CERK: variants seen among roughly 807,000 people sequenced by gnomAD.
CERK encodes the protein acylsphingosine kinase.
Under a neutral mutation model 63.4 loss-of-function variants are expected in CERK, and 39 were observed. That is an observed-to-expected ratio of 0.61 (90% CI 0.48 to 0.80). The LOEUF is 0.80. Ranked by LOEUF, CERK falls within the 30% of genes least tolerant of loss-of-function variation. The pLI is 0.00. For missense variants in CERK, 670 were observed against 714.1 expected (o/e 0.94, Z 0.70); for synonymous variants, 302 against 280.0 (o/e 1.08, Z -0.78).
intron 8 of CERK, 96 bp downstream of exon 8, chr22:46,699,217 A>G (rs2082771046): frequency 2.3e-6 from 3 of 1,298,572 alleles, no homozygotes; most frequent in East Asian, 2.3e-5. Context: ...GTGGGGGCCC[A>G]CCTCTGACGG....
rs2082705123 is a variant in CERK at position 46,687,051 on chromosome 22, G to A, written c.*83C>T. ...CAAAAATAAATTTCTACATTTAAAT[G>A]TATATATCAACATAATTGGTCTGTA... On this transcript the variant is annotated 3_prime_UTR_variant, in exon 13 of 13. Transcript: ENST00000216264. 2 of 1,067,492 alleles carry A rather than the reference G, an allele frequency of 1.9e-6. No homozygotes were observed. The highest frequency in any genetic ancestry group is 2.7e-5 in the South Asian group (2 of 74,752). The allele number at this position is 1,067,492 out of a possible 1,614,324, so 66.1% of individuals were successfully genotyped here.
rs755923506 is a variant in CERK, at chr22:46,699,385, C to T, written c.871G>A (p.Gly291Ser). Residue 291 changes from glycine to serine, a missense_variant, in exon 8 of 13, where the codon GGC (glycine) becomes AGC (serine). Coordinates refer to ENST00000216264, the MANE Select transcript of CERK (RefSeq NM_022766.6). Reference sequence around the variant, plus strand: ...TCCTTGATGATGTCCCCGTAGAAGCCGTAGCCCAGCAGGGACACGGAGTAG... The same window carrying T: ...TCCTTGATGATGTCCCCGTAGAAGCTGTAGCCCAGCAGGGACACGGAGTAG... ...LRYSVSLLGY[G>S]FYGDIIKDSE... The T allele has an allele frequency of 2.5e-6, 4 of 1,614,122 alleles. No individual in the cohort carries two copies. The highest frequency in any genetic ancestry group is 1.3e-5 in the African/African-American group (1 of 75,050).
intron 3 of CERK, among the ~76,000 whole-genome samples, chr22:46,713,949 T>C (rs1452577125): frequency 2.0e-5 from 3 of 152,074 alleles, no homozygotes; most frequent in African/African-American, 4.8e-5. Context: ...CAGGGCGATA[T>C]AGTGAGACTC....
intron 10 of CERK, among the ~76,000 whole-genome samples, chr22:46,692,628 G>C (rs1316791102): frequency 6.6e-6 from 1 of 151,610 alleles, no homozygotes; most frequent in Non-Finnish European, 1.5e-5. Flanking sequence ...TTATTGACTG[G>C]GCATGGTGGC....
chr22:46,709,503 G>A lies in CERK; in HGVS notation c.570-1515C>T, dbSNP rs562806004. 3.9e-5 allele frequency among the ~76,000 whole-genome samples: 6 copies of A among 152,320 alleles called. No individual in the cohort carries two copies. In the East Asian group the frequency reaches 9.6e-4, roughly 24 times the overall value. On this transcript the variant is annotated intron_variant, in intron 5 of 12. Transcript: ENST00000216264. ...AGAACACTCCCGCATTAGGAGGGGA[G>A]CAAAGGGGTCTCCCTGTCAGCACCT...
chr22:46,696,570 C>T (rs2082757551), intron 8 of CERK, among the ~76,000 whole-genome samples: 2 of 152,188 alleles, frequency 1.3e-5, no homozygotes. Context: ...CCCAGATGTC[C>T]TACCGGCACC....
Position 46,738,169 on chromosome 22 carries a change from G to T in CERK, c.-21C>A. 8.6e-7 allele frequency: 1 copy of T among 1,156,948 alleles called. No individual in the cohort carries two copies. Among genetic ancestry groups the T allele is most frequent in the Non-Finnish European group, 1.1e-6 (1 of 942,242 alleles). The allele number at this position is 1,156,948 out of a possible 1,614,324, so 71.7% of individuals were successfully genotyped here. On this transcript the variant is annotated 5_prime_UTR_variant, in exon 1 of 13. Transcript: ENST00000216264. ...CCCATCTCCGCCGCCGGGCTCGTCC[G>T]CCAGGCTGGGGGCGCGCGGACGCCG...
Position 46,707,965 on chromosome 22 carries a change from C to T in CERK, c.593G>A (p.Gly198Asp), listed in dbSNP as rs2082822021. ...ACCGTGCAGCACCTCGCTGAACATA[C>T]CATCTCCGCCGACACAGACGATGCT... ...YDGIVCVGGDGMFSEVLHGLI... is the reference protein window; with the variant it reads ...YDGIVCVGGDDMFSEVLHGLI... Residue 198 changes from glycine to aspartate, a missense_variant, in exon 6 of 13, where the codon GGT becomes GAT. Transcript: ENST00000216264. 1 of 1,611,340 alleles carries T rather than the reference C, an allele frequency of 6.2e-7. No homozygotes were observed.
chr22:46,722,538 C>T (rs902641188), intron 1 of CERK, among the ~76,000 whole-genome samples: 12 of 150,816 alleles, frequency 8.0e-5, no homozygotes, highest in Non-Finnish European at 1.8e-4. Context: ...TCCGGTGTGC[C>T]CCACCTGGGC....
At chr22:46,723,481 T>A (rs904313565) in intron 1 of CERK, among the ~76,000 whole-genome samples, 2 of 151,734 alleles carry the variant, frequency 1.3e-5, no homozygotes, top group African/African-American at 2.4e-5. Flanking sequence ...TAGCCAGGTG[T>A]GGTGGTGTGT....
chr22:46,702,130 G>A (rs1165804475), intron 6 of CERK, among the ~76,000 whole-genome samples: 2 of 139,976 alleles, frequency 1.4e-5, no homozygotes, highest in African/African-American at 5.3e-5. Flanking sequence ...GCAGTGAGTC[G>A]AGATCGCGCC....
Position 46,687,127 on chromosome 22 carries a change from C to T in CERK, c.*7G>A, listed in dbSNP as rs750069592. ...CTTTCCCAGTTTGTGAGCAGGACGC[C>T]GGCTTCTCAGCTGTGTGAGTCTGGC... On this transcript the variant is annotated 3_prime_UTR_variant, in exon 13 of 13. Transcript: ENST00000216264. 43 of 1,613,418 alleles carry T rather than the reference C, an allele frequency of 2.7e-5. No individual in the cohort carries two copies. In the South Asian group the frequency reaches 2.9e-4, roughly 11 times the overall value.
chr22:46,721,532 C>T (rs1435117592), intron 1 of CERK, among the ~76,000 whole-genome samples: 1 of 152,138 alleles, frequency 6.6e-6, no homozygotes, highest in Non-Finnish European at 1.5e-5. Context: ...ATGTTTTATT[C>T]AGCCGAGTCA....
At chr22:46,717,787 T>C (rs2082873174) in intron 3 of CERK, among the ~76,000 whole-genome samples, 1 of 152,224 alleles carries the variant, frequency 6.6e-6, no homozygotes, top group Admixed American at 6.5e-5. Flanking sequence ...AATGAGATCC[T>C]CTGGGTCTGT....
intron 6 of CERK, among the ~76,000 whole-genome samples, chr22:46,706,396 C>T (rs182015378): frequency 6.6e-6 from 1 of 151,302 alleles, no homozygotes; most frequent in African/African-American, 2.4e-5. Context: ...CCAGCAGAGG[C>T]TCCCCCGAGA....
intron 1 of CERK, among the ~76,000 whole-genome samples, chr22:46,735,828 T>C (rs1003323921): frequency 6.6e-6 from 1 of 152,210 alleles, no homozygotes; most frequent in African/African-American, 2.4e-5. Flanking sequence ...ACCTCAAGCA[T>C]AGAAGAATCG....
At chr22:46,691,486 A>C in intron 11 of CERK, 86 bp downstream of exon 11, 1 of 1,171,172 alleles carries the variant, frequency 8.5e-7, no homozygotes, top group Non-Finnish European at 1.2e-6. Context: ...GAATTAAATA[A>C]TGAATTCCTA....
rs527722402 is a variant in CERK, at chr22:46,705,202, G to A, written c.715+2641C>T. 2.6e-5 allele frequency among the ~76,000 whole-genome samples: 4 copies of A among 152,246 alleles called. No homozygotes were observed. In the South Asian group the frequency reaches 8.3e-4, roughly 31 times the overall value. On this transcript the variant is annotated intron_variant, in intron 6 of 12. Coordinates refer to ENST00000216264, the MANE Select transcript of CERK (RefSeq NM_022766.6). ...GACCTGGAGCCTCTGAGAGCCACAC[G>A]TGCACAGGGGCCAGGGTCCTTCACG...
At chr22:46,725,022 CA>C (rs201979247) in intron 1 of CERK, among the ~76,000 whole-genome samples, 32 of 146,756 alleles carry the variant, frequency 2.2e-4, no homozygotes, top group African/African-American at 3.5e-4. Context: ...AACTCCATCT[CA>C]AAAAAAAAAG....
Sources: gnomAD v4.1 joint callset for allele counts (sites outside exome capture counted in the v4.1 genomes callset) on GRCh38, gnomAD v4.1.1 for gene constraint, MANE v1.5 for transcripts, NCBI Gene and HGNC (gene_info 2026-07-23, HGNC 2026-07-21) for gene names.